The following MGAT4C variants were observed in gnomAD, a reference collection of about 807,000 sequenced individuals.
The protein encoded by MGAT4C is MGAT4 family member C, also known as alpha-1,3-mannosyl-glycoprotein 4-beta-N-acetylglucosaminyltransferase C.
Under a neutral mutation model 40.1 loss-of-function variants are expected in MGAT4C, and 19 were observed. The observed-to-expected ratio is 0.47, with a 90% CI of 0.33 to 0.70. MGAT4C has a LOEUF of 0.70. Among genes scored for constraint, MGAT4C ranks in the 30% least tolerant of loss-of-function variants. The pLI, the probability that MGAT4C is intolerant of heterozygous loss-of-function variation, is 0.02. For missense variants in MGAT4C, 491 were observed against 563.2 expected, an observed-to-expected ratio of 0.87 and a Z score of 1.30; for synonymous variants, 181 against 187.1, an observed-to-expected ratio of 0.97 and a Z score of 0.27.
At chr12:86,620,481 C>G (rs1057095151) in intron 2 of MGAT4C, among the ~76,000 whole-genome samples, 11 of 152,088 alleles carry the variant, frequency 7.2e-5, no homozygotes, top group African/African-American at 2.7e-4. Flanking sequence ...CCAAATACTG[C>G]ATGTTCTTAC....
intron 2 of MGAT4C, among the ~76,000 whole-genome samples, chr12:86,670,762 A>G (rs1447918876): frequency 2.0e-5 from 3 of 152,190 alleles, no homozygotes; most frequent in African/African-American, 7.2e-5. Flanking sequence ...GCATATGGTC[A>G]CCAGACTGTC....
At chr12:86,278,563 G>A (rs1171022078) in intron 4 of MGAT4C, among the ~76,000 whole-genome samples, 1 of 151,898 alleles carries the variant, frequency 6.6e-6, no homozygotes, top group East Asian at 1.9e-4. Flanking sequence ...TCTTGCTACT[G>A]TACTGAATTT....
chr12:86,434,838 C>G (rs1277770337), intron 3 of MGAT4C, among the ~76,000 whole-genome samples: 1 of 151,774 alleles, frequency 6.6e-6, no homozygotes, highest in Non-Finnish European at 1.5e-5. Context: ...TATCAGAATA[C>G]CAATCTTTCT....
chr12:86,700,069 A>ATAGATAAGT lies in MGAT4C; in HGVS notation c.-229+27139_-229+27140insACTTATCTA, dbSNP rs1950330248. ...ATAGATAGATAGATAGATAGATAAG[A>ATAGATAAGT]TAGATAGATAATGTAGATAGATGAT... On this transcript the variant is annotated intron_variant, in intron 2 of 7. Transcript: ENST00000548651. Among the ~76,000 whole-genome samples, 4 of 150,512 alleles carry ATAGATAAGT rather than the reference A, an allele frequency of 2.7e-5. No individual in the cohort carries two copies. In the South Asian group the frequency reaches 8.4e-4, roughly 32 times the overall value.
chr12:85,991,595 G>A (rs542112147), intron 2 of MGAT4C, among the ~76,000 whole-genome samples: 2 of 152,274 alleles, frequency 1.3e-5, no homozygotes, highest in East Asian at 3.9e-4. Context: ...TCCCGCACTC[G>A]TGGGCGCTTA....
chr12:86,646,039 A>C (rs1963534024), intron 2 of MGAT4C, among the ~76,000 whole-genome samples: 1 of 151,904 alleles, frequency 6.6e-6, no homozygotes, highest in Non-Finnish European at 1.5e-5. Context: ...TAGAAGCAAG[A>C]CTGAAGGAGG....
upstream of MGAT4C, among the ~76,000 whole-genome samples, chr12:86,256,801 C>T (rs977460638): frequency 2.0e-5 from 3 of 152,108 alleles, no homozygotes; most frequent in Non-Finnish European, 2.9e-5. Flanking sequence ...ATTGATTTTA[C>T]AGTACTAGCC....
chr12:86,431,743 G>T (rs944294282), intron 3 of MGAT4C, among the ~76,000 whole-genome samples: 1 of 152,106 alleles, frequency 6.6e-6, no homozygotes. Context: ...GCTTGCTGCT[G>T]CTTCCCTGCA....
At chr12:86,472,218 G>A (rs1310362450) in intron 2 of MGAT4C, among the ~76,000 whole-genome samples, 3 of 152,046 alleles carry the variant, frequency 2.0e-5, no homozygotes, top group South Asian at 2.1e-4. Context: ...TGCCTCCAGC[G>A]ACTGTAGGCC....
intron 1 of MGAT4C, among the ~76,000 whole-genome samples, chr12:86,747,449 C>T (rs1268660025): frequency 6.6e-6 from 1 of 151,596 alleles, no homozygotes. Flanking sequence ...AAACTAGCTA[C>T]TCACGAATAA....
In MGAT4C at chr12:86,003,538, A is replaced by G. The variant is rs373791199; in HGVS notation, c.-6-13986T>C. ...TTTGCTTTTGTGATGCTTGCCTAAC[A>G]TGATGATGTTAACTGTAAAAACAGT... On this transcript the variant is annotated intron_variant, in intron 2 of 4. Coordinates refer to ENST00000611864, the MANE Select transcript of MGAT4C (RefSeq NM_001351288.2). Among the ~76,000 whole-genome samples the G allele has an allele frequency of 2.0e-5, 3 of 152,288 alleles. 1 individual carries two copies. The highest frequency in any genetic ancestry group is 7.2e-5 in the African/African-American group (3 of 41,568).
Position 86,566,760 on chromosome 12 carries a change from G to GTA in MGAT4C, c.-228-131497_-228-131496dup, listed in dbSNP as rs1555205385. 3.7e-4 allele frequency among the ~76,000 whole-genome samples: 54 copies of GTA among 146,924 alleles called. 1 individual carries two copies. Among genetic ancestry groups the GTA allele is most frequent in the African/African-American group, 8.0e-4 (32 of 39,888 alleles). The stretch of plus-strand genomic sequence containing the variant: ...GTATACAATGTATCTGTGTGTGTGT[G>GTA]TATATATATATATATATATTCCACT... On this transcript the variant is annotated intron_variant, in intron 2 of 7. Transcript: ENST00000548651.
intron 1 of MGAT4C, among the ~76,000 whole-genome samples, chr12:86,240,162 G>GCA (rs140732034): frequency 1.3e-4 from 19 of 149,860 alleles, no homozygotes; most frequent in African/African-American, 2.7e-4. Flanking sequence ...CATTTCAAAA[G>GCA]CACACACACA....
chr12:86,785,142 A>T (rs1233176758), intron 1 of MGAT4C, among the ~76,000 whole-genome samples: 1 of 152,058 alleles, frequency 6.6e-6, no homozygotes, highest in Non-Finnish European at 1.5e-5. Context: ...TAAATTATGG[A>T]GCTATTTCAT....
At chr12:86,557,335 G>A (rs1959658439) in intron 2 of MGAT4C, among the ~76,000 whole-genome samples, 1 of 152,112 alleles carries the variant, frequency 6.6e-6, no homozygotes, top group Admixed American at 6.6e-5. Flanking sequence ...CCCACCATTG[G>A]TGCCTGTACA....
At position 85,960,312 on chromosome 12, in the gene MGAT4C, A is replaced by T. The variant is rs895743872; in HGVS notation, c.*18977T>A. On this transcript the variant is annotated 3_prime_UTR_variant, in exon 5 of 5. Coordinates refer to ENST00000611864, the MANE Select transcript of MGAT4C (RefSeq NM_001351288.2). ...TTTTCTCATTGAATAAGAGAATCCG[A>T]ACTGGCATCGAGGATATCTAATTTT... 3.9e-5 allele frequency: 6 copies of T among 152,186 alleles called. No homozygotes were observed. The highest frequency in any genetic ancestry group is 1.4e-4 in the African/African-American group (6 of 41,572). 9.4% of individuals were successfully genotyped at this position (152,186 alleles called of 1,614,324 possible). A position where few individuals can be genotyped will look rare whatever the true frequency, so the allele number is the denominator to read the frequency against.
At chr12:86,178,271 T>C (rs1428743156) in intron 1 of MGAT4C, among the ~76,000 whole-genome samples, 4 of 152,176 alleles carry the variant, frequency 2.6e-5, no homozygotes, top group Non-Finnish European at 5.9e-5. Flanking sequence ...TTTCACATTT[T>C]TTATGATGAT....
intron 3 of MGAT4C, among the ~76,000 whole-genome samples, chr12:86,418,803 G>A (rs976090922): frequency 4.6e-5 from 7 of 151,848 alleles, no homozygotes; most frequent in Admixed American, 2.0e-4. Flanking sequence ...GGAAGAAAGA[G>A]TATTAAAGAA....
chr12:86,651,948 G>A (rs972743587), intron 2 of MGAT4C, among the ~76,000 whole-genome samples: 7 of 151,934 alleles, frequency 4.6e-5, no homozygotes, highest in South Asian at 2.1e-4. Context: ...AGACTGTGAC[G>A]TAATGACTGG....
Sources: gnomAD v4.1 joint callset for allele counts (sites outside exome capture counted in the v4.1 genomes callset) on GRCh38, gnomAD v4.1.1 for gene constraint, MANE v1.5 for transcripts, NCBI Gene and HGNC (gene_info 2026-07-23, HGNC 2026-07-21) for gene names.